The following RAPGEF2 variants were observed in gnomAD, a reference collection of about 807,000 sequenced individuals.
The protein encoded by RAPGEF2 is PDZ domain containing guanine nucleotide exchange factor (GEF) 1.
A neutral mutation model predicts 186.7 loss-of-function variants in RAPGEF2; 54 were observed. The ratio of observed to expected loss-of-function variants is 0.29; its 90% CI spans 0.23 to 0.36. The LOEUF (loss-of-function observed/expected upper bound fraction) is 0.36. RAPGEF2 is among the 10% of genes least tolerant of loss of function. The probability of loss-of-function intolerance (pLI) is 1.00; values close to 1 mark genes in which losing one functional copy is unlikely to be tolerated. For missense variants in RAPGEF2, 1,532 were observed against 2,045.0 expected (o/e 0.75, Z 4.84); for synonymous variants, 712 against 705.9 (o/e 1.01, Z -0.14).
chr4:159,236,622 A>T lies in RAPGEF2; in HGVS notation c.282-2187A>T, dbSNP rs188777776. ...TTTAAAAACGCATAAACATTAGACC[A>T]CTATATTTATAAACTTGTCCAAGTC... is the stretch of plus-strand genomic sequence containing the variant. On this transcript the variant is annotated intron_variant, in intron 4 of 29. Coordinates refer to ENST00000691494, the MANE Select transcript of RAPGEF2 (RefSeq NM_001394067.2). Among the ~76,000 whole-genome samples the T allele has an allele frequency of 4.2e-5, 6 of 141,772 alleles. No individual in the cohort carries two copies. The East Asian group carries it at 1.2e-3, about 27-fold the overall frequency. The allele number at this position is 141,772 out of a possible 152,430, so 93.0% of individuals were successfully genotyped here.
At chr4:159,204,692 T>C (rs2111353162) in intron 3 of RAPGEF2, among the ~76,000 whole-genome samples, 1 of 152,320 alleles carries the variant, frequency 6.6e-6, no homozygotes, top group South Asian at 2.1e-4. Context: ...CCAGGGCTTT[T>C]GTGACTTCCG....
At position 159,355,880 on chromosome 4, in the gene RAPGEF2, C is replaced by G; in HGVS notation, c.4679C>G (p.Pro1560Arg). 3.3e-6 allele frequency: 5 copies of G among 1,526,930 alleles called. No homozygotes were observed. Among genetic ancestry groups the G allele is most frequent in the Non-Finnish European group, 4.4e-6 (5 of 1,126,478 alleles). The allele number at this position is 1,526,930 out of a possible 1,614,324, so 94.6% of individuals were successfully genotyped here. A position where few individuals can be genotyped will look rare whatever the true frequency, so the allele number is the denominator to read the frequency against. Reference protein sequence around the residue: ...IARKEGRYREPPPTPPGYIGI... With the variant: ...IARKEGRYRERPPTPPGYIGI... ...CGAAAGGAGGGCAGGTATCGAGAGC[C>G]CCCGCCCACCCCTCCCGGCTACATT... The change falls in exon 29 of 30, where the codon CCC becomes CGC. Residue 1560 changes from proline (P) to arginine (R), a missense_variant. Pro to Arg is a moderately radical substitution (Grantham distance 103). This residue lies in a region of RAPGEF2 where 594 missense variants were observed against 608.5 expected (regional missense o/e 0.98). Transcript: ENST00000691494.
intron 1 of RAPGEF2, among the ~76,000 whole-genome samples, chr4:159,152,575 T>C (rs1743671011): frequency 6.6e-6 from 1 of 152,238 alleles, no homozygotes; most frequent in African/African-American, 2.4e-5. Flanking sequence ...TAGAAAGTTC[T>C]TGTAATATCC....
chr4:159,137,301 T>C (rs955107052), intron 1 of RAPGEF2, among the ~76,000 whole-genome samples: 1 of 152,200 alleles, frequency 6.6e-6, no homozygotes, highest in Admixed American at 6.5e-5. Context: ...ACTCCTGGCC[T>C]GCAGACTGCT....
chr4:159,210,622 C>G, intron 4 of RAPGEF2, 39 bp downstream of exon 4: 1 of 1,408,158 alleles, frequency 7.1e-7, no homozygotes, highest in Non-Finnish European at 9.6e-7. Context: ...ATCCATGAAG[C>G]TTGAAATTCT....
Position 159,337,889 on chromosome 4 carries a change from C to CAAAAAAAAA in RAPGEF2, c.2136-406_2136-398dup, listed in dbSNP as rs553291521. The stretch of plus-strand genomic sequence containing the variant: ...TGGGTGACAGAGTGAGACTCCATCT[C>CAAAAAAAAA]AAAAAAAAAAAAAAAAAAAAAAAAG... On this transcript the variant is annotated intron_variant, in intron 17 of 29. Transcript: ENST00000691494. Among the ~76,000 whole-genome samples, 64 of 32,562 alleles carry CAAAAAAAAA rather than the reference C, an allele frequency of 2.0e-3. 1 individual carries two copies. The highest frequency in any genetic ancestry group is 4.2e-3 in the Non-Finnish European group (49 of 11,758). 21.4% of individuals were successfully genotyped at this position (32,562 alleles called of 152,430 possible).
chr4:159,211,804 G>A (rs1343855561), intron 4 of RAPGEF2, among the ~76,000 whole-genome samples: 39 of 152,140 alleles, frequency 2.6e-4, no homozygotes, highest in Admixed American at 2.5e-3. Context: ...GGCAAACATA[G>A]TCTCTTTGGA....
At chr4:159,255,991 C>G (rs1209389547) in intron 7 of RAPGEF2, among the ~76,000 whole-genome samples, 1 of 152,128 alleles carries the variant, frequency 6.6e-6, no homozygotes, top group Non-Finnish European at 1.5e-5. Flanking sequence ...CATAGATGAT[C>G]AGTACATTTT....
At chr4:159,336,107 G>A (rs1026659999) in intron 17 of RAPGEF2, among the ~76,000 whole-genome samples, 1 of 151,484 alleles carries the variant, frequency 6.6e-6, no homozygotes, top group Non-Finnish European at 1.5e-5. Flanking sequence ...ATTTAATTTT[G>A]TCCCGGACTG....
At chr4:159,308,369 C>T (rs1763558230) in intron 8 of RAPGEF2, among the ~76,000 whole-genome samples, 1 of 152,184 alleles carries the variant, frequency 6.6e-6, no homozygotes, top group Admixed American at 6.5e-5. Context: ...CAAAACTTAA[C>T]ATTTAGTAGA....
chr4:159,310,030 TAAG>T (rs1195557129), intron 8 of RAPGEF2, among the ~76,000 whole-genome samples: 9 of 152,280 alleles, frequency 5.9e-5, no homozygotes, highest in South Asian at 2.1e-4. Context: ...CATCAATTGA[TAAG>T]AAGATTTAAA....
At chr4:159,115,399 G>GA (rs1484208817) in intron 1 of RAPGEF2, among the ~76,000 whole-genome samples, 3 of 152,016 alleles carry the variant, frequency 2.0e-5, no homozygotes, top group African/African-American at 7.2e-5. Flanking sequence ...GGGCACAAAT[G>GA]AAAAAGAAAA....
chr4:159,145,404 A>T (rs1742841132), intron 1 of RAPGEF2, among the ~76,000 whole-genome samples: 1 of 152,130 alleles, frequency 6.6e-6, no homozygotes, highest in Admixed American at 6.6e-5. Context: ...ACCCCAAAAC[A>T]TTGCCATTTG....
At chr4:159,283,068 T>G (rs1444887818) in intron 7 of RAPGEF2, among the ~76,000 whole-genome samples, 1 of 152,192 alleles carries the variant, frequency 6.6e-6, no homozygotes, top group Non-Finnish European at 1.5e-5. Flanking sequence ...AATATCTTCT[T>G]TTATCTGGTT....
At chr4:159,152,863 C>T (rs1022338790) in intron 1 of RAPGEF2, among the ~76,000 whole-genome samples, 1 of 152,140 alleles carries the variant, frequency 6.6e-6, no homozygotes, top group East Asian at 1.9e-4. Context: ...TCATGATCCG[C>T]CCTCGGCCTC....
rs531619977 is a variant in RAPGEF2, at chr4:159,330,978, A to T, written c.1468-453A>T. 1.1e-4 allele frequency among the ~76,000 whole-genome samples: 17 copies of T among 152,242 alleles called. No individual in the cohort carries two copies. In the East Asian group the frequency reaches 2.7e-3, roughly 24 times the overall value. On this transcript the variant is annotated intron_variant, in intron 13 of 29. Transcript: ENST00000691494. The stretch of plus-strand genomic sequence containing the variant: ...CTTGAGAGCTCTAAGGCCAGATTGG[A>T]TGACAAACTACATTGTCTTATCTCC...
intron 17 of RAPGEF2, among the ~76,000 whole-genome samples, chr4:159,337,011 G>A (rs1561304636): frequency 6.6e-6 from 1 of 152,076 alleles, no homozygotes; most frequent in Non-Finnish European, 1.5e-5. Flanking sequence ...TTTTGTTTTG[G>A]AAACAGTTGA....
At chr4:159,251,603 C>T (rs1755404146) in intron 7 of RAPGEF2, among the ~76,000 whole-genome samples, 1 of 151,802 alleles carries the variant, frequency 6.6e-6, no homozygotes, top group South Asian at 2.1e-4. Flanking sequence ...GTAAACGCAC[C>T]AATCAGTGCT....
At chr4:159,246,321 A>T (rs1243779385) in intron 7 of RAPGEF2, among the ~76,000 whole-genome samples, 1 of 152,142 alleles carries the variant, frequency 6.6e-6, no homozygotes, top group Non-Finnish European at 1.5e-5. Flanking sequence ...AACTTTATGG[A>T]AATAATTTCT....
Sources: allele counts gnomAD v4.1 joint callset (sites outside exome capture counted in the v4.1 genomes callset), GRCh38; gene constraint gnomAD v4.1.1; regional missense constraint gnomAD v4.1.1; transcripts MANE v1.5; gene names NCBI Gene and HGNC (gene_info 2026-07-23, HGNC 2026-07-21).